Variants in AP1S1 observed in about 807,000 individuals in gnomAD.
The protein encoded by AP1S1 is adaptor related protein complex 1 subunit sigma 1.
Under a neutral mutation model 23.9 loss-of-function variants are expected in AP1S1, and 13 were observed. The observed-to-expected ratio is 0.54, with a 90% CI of 0.35 to 0.86. AP1S1 has a LOEUF of 0.86. AP1S1 is among the 40% of genes least tolerant of loss of function. AP1S1 has a pLI of 0.01. For missense variants in AP1S1, 119 were observed against 197.6 expected, an observed-to-expected ratio of 0.60 and a Z score of 2.38; for synonymous variants, 84 against 77.7, an observed-to-expected ratio of 1.08 and a Z score of -0.43.
intron 1 of AP1S1, chr7:101,155,096 G>C (rs1466758770): frequency 2.2e-6 from 2 of 913,390 alleles, no homozygotes; most frequent in Non-Finnish European, 1.3e-6. Context: ...CGGGCTCCGG[G>C]GCTCTCTGCC....
intron 4 of AP1S1, 74 bp from the exon 5 acceptor site, chr7:101,160,445 G>C (rs938600829): frequency 4.3e-5 from 67 of 1,548,204 alleles, no homozygotes; most frequent in Non-Finnish European, 5.7e-5. Flanking sequence ...ACTCTTCCTC[G>C]TGACTGCTGT....
intron 1 of AP1S1, 150 bp downstream of exon 1, chr7:101,154,667 C>A: frequency 1.2e-6 from 1 of 825,880 alleles, no homozygotes. Flanking sequence ...GCGAGCCGGG[C>A]TCGGGAGGAA....
chr7:101,159,164 A>AAC lies in AP1S1; in HGVS notation c.398_399insCA (p.Lys133AsnfsTer95), dbSNP rs760373207. The AAC allele has an allele frequency of 6.2e-7, 1 of 1,613,522 alleles. No individual in the cohort carries two copies. The highest frequency in any genetic ancestry group is 8.5e-7 in the Non-Finnish European group (1 of 1,179,704). On this transcript the variant is annotated frameshift_variant, in exon 4 of 5. Transcript: ENST00000337619. LOFTEE classifies it high-confidence loss of function. The stretch of plus-strand genomic sequence containing the variant: ...GGACACCTCCAAGAAGAGTGTGCTG[A>AAC]AAGCCATCGAGCAGGCTGACCTACT...
intron 1 of AP1S1, 99 bp downstream of exon 1, chr7:101,154,616 T>C (rs2116682840): frequency 4.8e-6 from 7 of 1,452,064 alleles, no homozygotes; most frequent in Non-Finnish European, 6.4e-6. Context: ...CGCCCTGTCT[T>C]CCCTCTGGTC....
intron 2 of AP1S1, among the ~76,000 whole-genome samples, chr7:101,157,000 C>T (rs140600920): frequency 5.1e-4 from 77 of 151,470 alleles, no homozygotes; most frequent in African/African-American, 1.8e-3. Context: ...GCCTCACTCA[C>T]GTGTCCCTTT....
chr7:101,156,721 C>T lies in AP1S1; in HGVS notation c.131C>T (p.Pro44Leu). ...ATGCAGGTTGTCCTGGCTCGAAAGC[C>T]CAAGATGTGCAGCTTCCTGGAGTGG... is the stretch of plus-strand genomic sequence containing the variant. ...ELMQVVLARK[P>L]KMCSFLEWRD... Residue 44 changes from proline (P) to leucine (L), a missense_variant, in exon 2 of 5, where the codon CCC becomes CTC. Coordinates refer to ENST00000337619, the MANE Select transcript of AP1S1 (RefSeq NM_001283.5). 1.2e-6 allele frequency: 2 copies of T among 1,603,508 alleles called. No homozygotes were observed. The highest frequency in any genetic ancestry group is 1.7e-6 in the Non-Finnish European group (2 of 1,174,532).
intron 3 of AP1S1, 56 bp from the exon 4 acceptor site, chr7:101,158,997 TGAAAAG>T: frequency 6.3e-7 from 1 of 1,595,110 alleles, no homozygotes; most frequent in South Asian, 1.1e-5. Context: ...GGCACGGTCT[TGAAAAG>T]GAAGTGGCTC....
chr7:101,160,755 C>T lies in AP1S1; in HGVS notation c.*189C>T, dbSNP rs559161974. The T allele has an allele frequency of 1.7e-5, 13 of 754,188 alleles. No individual in the cohort carries two copies. The highest frequency in any genetic ancestry group is 1.3e-4 in the South Asian group (9 of 67,944). 46.7% of individuals were successfully genotyped at this position (754,188 alleles called of 1,614,324 possible). On this transcript the variant is annotated 3_prime_UTR_variant, in exon 5 of 5. Transcript: ENST00000337619. Reference sequence around the variant, plus strand: ...CCTCCACCCCCTACCTCCACTTTCCCCTTTTCCCACTGAAGGTTTTAGAAG... The same window carrying T: ...CCTCCACCCCCTACCTCCACTTTCCTCTTTTCCCACTGAAGGTTTTAGAAG...
chr7:101,156,303 T>C (rs1282114145), intron 1 of AP1S1: 1 of 286,508 alleles, frequency 3.5e-6, no homozygotes, highest in Non-Finnish European at 6.6e-6. Flanking sequence ...TATCAAATCA[T>C]TTAGTCTCAC....
At chr7:101,154,912 G>T in intron 1 of AP1S1, 2 of 1,082,712 alleles carry the variant, frequency 1.8e-6, no homozygotes, top group Non-Finnish European at 2.3e-6. Flanking sequence ...TTCCCGGGCT[G>T]CACAGGCGGG....
chr7:101,156,211 G>T (rs1045081109), intron 1 of AP1S1, among the ~76,000 whole-genome samples: 2 of 152,120 alleles, frequency 1.3e-5, no homozygotes, highest in East Asian at 3.9e-4. Flanking sequence ...CAGCCTGGGC[G>T]ACAGAGAGAG....
intron 1 of AP1S1, 183 bp from the exon 2 acceptor site, chr7:101,156,411 C>A: frequency 1.5e-6 from 1 of 653,834 alleles, no homozygotes. Context: ...CCTTGCATAA[C>A]TAGTAGAGCC....
Position 101,156,714 on chromosome 7 carries a change from C to T in AP1S1, c.124C>T (p.Arg42Ter). The change falls in exon 2 of 5, where the codon CGA (arginine) becomes TGA (stop). Residue 42 changes from arginine to a stop codon, truncating the protein, a stop_gained. Coordinates refer to ENST00000337619, the MANE Select transcript of AP1S1 (RefSeq NM_001283.5). LOFTEE classifies it high-confidence loss of function. ...VRELMQVVLA[R>*]KPKMCSFLEW... ...CGAGCTCATGCAGGTTGTCCTGGCT[C>T]GAAAGCCCAAGATGTGCAGCTTCCT... 2 of 1,605,320 alleles carry T rather than the reference C, an allele frequency of 1.2e-6. No individual in the cohort carries two copies. Among genetic ancestry groups the T allele is most frequent in the Non-Finnish European group, 8.5e-7 (1 of 1,175,664 alleles).
Position 101,157,452 on chromosome 7 carries a change from A to G in AP1S1, c.258A>G (p.Arg86=). The G allele has an allele frequency of 1.3e-6, 2 of 1,572,628 alleles. No individual in the cohort carries two copies. The highest frequency in any genetic ancestry group is 1.7e-6 in the Non-Finnish European group (2 of 1,158,682). The change falls in exon 3 of 5, where the codon CGA becomes CGG. Residue 86 remains arginine, a synonymous_variant. Coordinates refer to ENST00000337619, the MANE Select transcript of AP1S1 (RefSeq NM_001283.5). Reference sequence around the variant, plus strand: ...TCATCACACTGGAGCTGATCCACCGATACGTGGAGCTCTTAGACAAATACT... The same window carrying G: ...TCATCACACTGGAGCTGATCCACCGGTACGTGGAGCTCTTAGACAAATACT... ...NELITLELIH[R]YVELLDKYFG...
chr7:101,158,783 G>T (rs957087386), intron 3 of AP1S1, among the ~76,000 whole-genome samples: 6 of 152,102 alleles, frequency 3.9e-5, no homozygotes, highest in African/African-American at 1.4e-4. Context: ...TGCACCTGTA[G>T]TCCCAGCTAC....
At chr7:101,156,800 C>A in intron 2 of AP1S1, 28 bp downstream of exon 2, 1 of 1,487,076 alleles carries the variant, frequency 6.7e-7, no homozygotes, top group South Asian at 1.4e-5. Flanking sequence ...TTCAGACCTG[C>A]CTAGATTCAA....
At chr7:101,157,862 C>A (rs984932898) in intron 3 of AP1S1, among the ~76,000 whole-genome samples, 1 of 152,228 alleles carries the variant, frequency 6.6e-6, no homozygotes, top group Non-Finnish European at 1.5e-5. Context: ...TCGTAGCTCA[C>A]TGCAGCCTTA....
Position 101,156,608 on chromosome 7 carries a change from A to G in AP1S1, c.18A>G (p.Leu6=), listed in dbSNP as rs377385691. ...ATCCCCCACAGATGCGGTTCATGCT[A>G]TTATTCAGCCGGCAGGGAAAACTGC... MMRFM[L]LFSRQGKLRL... The change falls in exon 2 of 5, where the codon CTA becomes CTG. Residue 6 remains leucine, a synonymous_variant. Transcript: ENST00000337619. 101 of 1,612,066 alleles carry G rather than the reference A, an allele frequency of 6.3e-5. No individual in the cohort carries two copies. The highest frequency in any genetic ancestry group is 8.9e-5 in the East Asian group (4 of 44,858).
rs1255583947 is a variant in AP1S1, at chr7:101,160,683, C to T, written c.*117C>T. ...CTCGGCTGCCCCTCCTCTGCTGCCT[C>T]ACCTTTCGGAGTGAGCTGTGGGCTC... is the stretch of plus-strand genomic sequence containing the variant. On this transcript the variant is annotated 3_prime_UTR_variant, in exon 5 of 5. Coordinates refer to ENST00000337619, the MANE Select transcript of AP1S1 (RefSeq NM_001283.5). 3.2e-6 allele frequency: 4 copies of T among 1,240,598 alleles called. No individual in the cohort carries two copies. Among genetic ancestry groups the T allele is most frequent in the Non-Finnish European group, 3.5e-6 (3 of 863,042 alleles). 76.8% of individuals were successfully genotyped at this position (1,240,598 alleles called of 1,614,324 possible).
Sources: gnomAD v4.1 joint callset for allele counts (sites outside exome capture counted in the v4.1 genomes callset) on GRCh38, gnomAD v4.1.1 for gene constraint, MANE v1.5 for transcripts, NCBI Gene and HGNC (gene_info 2026-07-23, HGNC 2026-07-21) for gene names.